The following PTPRD variants were observed in gnomAD, a reference collection of about 807,000 sequenced individuals.
PTPRD encodes protein tyrosine phosphatase receptor type D.
PTPRD carries 34 observed loss-of-function variants against 214.5 expected under a neutral mutation model. That is an observed-to-expected ratio of 0.16 (90% CI 0.12 to 0.21). The LOEUF is 0.21. Among genes scored for constraint, PTPRD ranks in the 10% least tolerant of loss-of-function variants. The pLI, the probability that PTPRD is intolerant of heterozygous loss-of-function variation, is 1.00. For missense variants in PTPRD, 2,545 were observed against 2,398.7 expected (o/e 1.06, Z -1.27); for synonymous variants, 1,128 against 845.7 (o/e 1.33, Z -5.79).
At chr9:9,547,820 A>G (rs2079157001) in intron 8 of PTPRD, among the ~76,000 whole-genome samples, 2 of 152,052 alleles carry the variant, frequency 1.3e-5, no homozygotes, top group South Asian at 4.1e-4. Context: ...ACACACACAC[A>G]CACATCAGGA....
At chr9:9,391,993 C>G (rs2065998948) in intron 9 of PTPRD, among the ~76,000 whole-genome samples, 1 of 152,010 alleles carries the variant, frequency 6.6e-6, no homozygotes, top group Non-Finnish European at 1.5e-5. Context: ...GGGTGTTGAT[C>G]CTTACTACTC....
At chr9:8,623,331 C>A (rs1706745245) in intron 14 of PTPRD, among the ~76,000 whole-genome samples, 1 of 151,796 alleles carries the variant, frequency 6.6e-6, no homozygotes. Context: ...AGTATACTCC[C>A]CTATCACTTA....
At chr9:9,716,483 G>A (rs1382174803) in intron 7 of PTPRD, among the ~76,000 whole-genome samples, 1 of 151,912 alleles carries the variant, frequency 6.6e-6, no homozygotes, top group Admixed American at 6.6e-5. Flanking sequence ...GTGTAAAAGT[G>A]TTCCTATTTC....
chr9:9,620,475 C>T (rs1480023737), intron 7 of PTPRD, among the ~76,000 whole-genome samples: 1 of 152,044 alleles, frequency 6.6e-6, no homozygotes, highest in African/African-American at 2.4e-5. Context: ...TGATTCCTTC[C>T]AATATTAAAC....
intron 9 of PTPRD, among the ~76,000 whole-genome samples, chr9:9,197,524 C>T (rs1369873674): frequency 2.0e-5 from 3 of 152,170 alleles, no homozygotes; most frequent in African/African-American, 7.2e-5. Context: ...GATTCTCCTG[C>T]CCCACCCTCT....
intron 2 of PTPRD, among the ~76,000 whole-genome samples, chr9:10,554,297 A>G (rs751847252): frequency 5.3e-5 from 8 of 152,196 alleles, no homozygotes; most frequent in Non-Finnish European, 1.0e-4. Flanking sequence ...CAATAATCTC[A>G]TGGACCTTTA....
intron 37 of PTPRD, among the ~76,000 whole-genome samples, chr9:8,386,184 C>T (rs2086965242): frequency 1.3e-5 from 2 of 152,172 alleles, no homozygotes; most frequent in Admixed American, 6.5e-5. Flanking sequence ...TAAACTTGCT[C>T]ATTGTCACAC....
chr9:10,000,287 T>A (rs1406865117), intron 4 of PTPRD, among the ~76,000 whole-genome samples: 1 of 152,210 alleles, frequency 6.6e-6, no homozygotes, highest in Non-Finnish European at 1.5e-5. Flanking sequence ...AGTTATAGTC[T>A]ATAGGACCCC....
intron 8 of PTPRD, among the ~76,000 whole-genome samples, chr9:9,425,715 G>C (rs890854835): frequency 2.0e-5 from 3 of 151,834 alleles, no homozygotes; most frequent in Non-Finnish European, 2.9e-5. Flanking sequence ...TTTGAGCAAA[G>C]GTAGCTTCTT....
At chr9:9,385,704 A>T (rs2063661289) in intron 9 of PTPRD, among the ~76,000 whole-genome samples, 1 of 152,198 alleles carries the variant, frequency 6.6e-6, no homozygotes, top group Non-Finnish European at 1.5e-5. Flanking sequence ...GGGAACACCC[A>T]TTAAACCATG....
At chr9:9,526,530 G>T (rs1392318548) in intron 8 of PTPRD, among the ~76,000 whole-genome samples, 3 of 152,134 alleles carry the variant, frequency 2.0e-5, no homozygotes, top group South Asian at 2.1e-4. Context: ...TTTTTATGCA[G>T]ATGCTTTACT....
At chr9:8,507,233 T>C (rs1325837168) in intron 22 of PTPRD, 68 bp downstream of exon 22, 1 of 1,549,452 alleles carries the variant, frequency 6.5e-7, no homozygotes, top group Non-Finnish European at 8.7e-7. Flanking sequence ...TGTGGATAAA[T>C]ACACAAAAAT....
At chr9:9,409,447 C>A (rs2074633018) in intron 8 of PTPRD, among the ~76,000 whole-genome samples, 1 of 151,992 alleles carries the variant, frequency 6.6e-6, no homozygotes, top group South Asian at 2.1e-4. Context: ...TCATTTACCA[C>A]TTCAAATATG....
intron 12 of PTPRD, among the ~76,000 whole-genome samples, chr9:8,733,025 C>A (rs979000079): frequency 6.6e-6 from 1 of 152,144 alleles, no homozygotes; most frequent in Non-Finnish European, 1.5e-5. Context: ...TGCCTTTCTC[C>A]AATACTATCT....
intron 8 of PTPRD, among the ~76,000 whole-genome samples, chr9:9,514,788 C>G (rs2096794030): frequency 6.6e-6 from 1 of 152,038 alleles, no homozygotes; most frequent in African/African-American, 2.4e-5. Flanking sequence ...AAGCTGTACA[C>G]TCTGAGGCTT....
chr9:8,750,920 T>TA (rs66538109), intron 11 of PTPRD, among the ~76,000 whole-genome samples: 1 of 152,026 alleles, frequency 6.6e-6, no homozygotes, highest in South Asian at 2.1e-4. Flanking sequence ...GCCAATGGTC[T>TA]AAAAAAATGC....
At position 9,692,799 on chromosome 9, in the gene PTPRD, A is replaced by T. The variant is rs138561734; in HGVS notation, c.-287+41734T>A. ...TCCATTTTTTTTAGTGGCCTCTTAAATTTCTTTCATCAGTGTTTTATAGTT... is the reference window on the plus strand; with the variant it reads ...TCCATTTTTTTTAGTGGCCTCTTAATTTTCTTTCATCAGTGTTTTATAGTT... On this transcript the variant is annotated intron_variant, in intron 7 of 45. Coordinates refer to ENST00000381196, the MANE Select transcript of PTPRD (RefSeq NM_002839.4). Among the ~76,000 whole-genome samples the T allele has an allele frequency of 2.4e-4, 36 of 151,750 alleles. 1 individual carries two copies. The highest frequency in any genetic ancestry group is 3.5e-4 in the Non-Finnish European group (24 of 67,922).
chr9:9,388,059 G>C (rs1302173068), intron 9 of PTPRD, among the ~76,000 whole-genome samples: 4 of 152,072 alleles, frequency 2.6e-5, no homozygotes, highest in Non-Finnish European at 5.9e-5. Flanking sequence ...TCACACGTGG[G>C]CTTGGGAAAT....
At chr9:8,427,680 GATT>G (rs1160740271) in intron 35 of PTPRD, among the ~76,000 whole-genome samples, 2 of 150,454 alleles carry the variant, frequency 1.3e-5, no homozygotes, top group Non-Finnish European at 2.9e-5. Flanking sequence ...TTATTGTTAT[GATT>G]ATTATTATTA....
Sources: allele counts gnomAD v4.1 joint callset (sites outside exome capture counted in the v4.1 genomes callset), GRCh38; gene constraint gnomAD v4.1.1; transcripts MANE v1.5; gene names NCBI Gene and HGNC (gene_info 2026-07-23, HGNC 2026-07-21).